TMEM132D: variants seen among roughly 807,000 people sequenced by gnomAD.
The protein encoded by TMEM132D is transmembrane protein 132D.
Under a neutral mutation model 62.3 loss-of-function variants are expected in TMEM132D, and 21 were observed. The observed-to-expected ratio is 0.34, with a 90% confidence interval of 0.24 to 0.49. The LOEUF (loss-of-function observed/expected upper bound fraction) is 0.49, where lower values mean the gene tolerates loss of function less well. Ranked by LOEUF, TMEM132D falls within the 20% of genes least tolerant of loss-of-function variation. TMEM132D has a pLI of 0.99. For synonymous variants in TMEM132D, 621 were observed against 575.6 expected, an observed-to-expected ratio of 1.08 and a Z score of -1.13; for missense variants, 1,346 against 1,402.8, an observed-to-expected ratio of 0.96 and a Z score of 0.65.
At chr12:129,220,937 C>A (rs1879330282) in intron 4 of TMEM132D, among the ~76,000 whole-genome samples, 1 of 151,228 alleles carries the variant, frequency 6.6e-6, no homozygotes, top group African/African-American at 2.4e-5. Context: ...GGCATAGCCA[C>A]TGACCAATCA....
chr12:129,874,269 T>C (rs2137379606), intron 1 of TMEM132D, among the ~76,000 whole-genome samples: 1 of 152,166 alleles, frequency 6.6e-6, no homozygotes, highest in African/African-American at 2.4e-5. Flanking sequence ...ACACCATAAA[T>C]ACATACAATT....
chr12:129,129,611 T>C (rs1876312890), intron 5 of TMEM132D, among the ~76,000 whole-genome samples: 1 of 152,160 alleles, frequency 6.6e-6, no homozygotes, highest in Non-Finnish European at 1.5e-5. Context: ...CTACCAACAG[T>C]GTATAAGAGT....
At chr12:129,433,175 T>A (rs1390110290) in intron 3 of TMEM132D, among the ~76,000 whole-genome samples, 1 of 152,340 alleles carries the variant, frequency 6.6e-6, no homozygotes, top group East Asian at 1.9e-4. Context: ...GACTTTACGT[T>A]GTTTCCAGGT....
chr12:129,721,828 G>T (rs141677248), intron 1 of TMEM132D, among the ~76,000 whole-genome samples: 1 of 152,190 alleles, frequency 6.6e-6, no homozygotes, highest in East Asian at 1.9e-4. Context: ...CATCCGGCCA[G>T]CCAGCTTCCA....
chr12:129,329,289 G>A (rs767954792), intron 4 of TMEM132D, among the ~76,000 whole-genome samples: 5 of 152,222 alleles, frequency 3.3e-5, no homozygotes, highest in Middle Eastern at 6.8e-3. Context: ...GTGCTTTAGA[G>A]AAGAGATTTT....
At chr12:129,374,147 G>A (rs1282784163) in intron 3 of TMEM132D, among the ~76,000 whole-genome samples, 1 of 152,122 alleles carries the variant, frequency 6.6e-6, no homozygotes, top group African/African-American at 2.4e-5. Context: ...ATAAACAACG[G>A]ACATTTATTT....
chr12:129,311,757 T>C (rs1000879092), intron 4 of TMEM132D, among the ~76,000 whole-genome samples: 5 of 152,122 alleles, frequency 3.3e-5, no homozygotes, highest in Admixed American at 1.3e-4. Context: ...GGCATGCTGG[T>C]AGAAAACCCT....
chr12:129,824,722 T>C (rs540137189), intron 1 of TMEM132D, among the ~76,000 whole-genome samples: 6 of 152,300 alleles, frequency 3.9e-5, no homozygotes, highest in Admixed American at 3.3e-4. Flanking sequence ...CTTCAGACCA[T>C]GAGAAATAAA....
rs1367746998 is a variant in TMEM132D, at chr12:129,563,676, G to T, written c.969-32471C>A. Among the ~76,000 whole-genome samples, 4 of 152,166 alleles carry T rather than the reference G, an allele frequency of 2.6e-5. No individual in the cohort carries two copies. In the East Asian group the frequency reaches 7.7e-4, roughly 29 times the overall value. ...TTAGGATAGATTCAGGACCCTGAGG[G>T]AAGGACAGCCTGGCTGGAAGAAGAT... is the stretch of plus-strand genomic sequence containing the variant. On this transcript the variant is annotated intron_variant, in intron 2 of 8. Transcript: ENST00000422113.
chr12:129,172,701 C>T (rs1877771116), intron 5 of TMEM132D, among the ~76,000 whole-genome samples: 1 of 152,184 alleles, frequency 6.6e-6, no homozygotes, highest in Non-Finnish European at 1.5e-5. Flanking sequence ...GCCTCAGCCT[C>T]CTGAGTAGCT....
chr12:129,403,478 G>T (rs1374217835), intron 3 of TMEM132D, among the ~76,000 whole-genome samples: 1 of 151,702 alleles, frequency 6.6e-6, no homozygotes, highest in Non-Finnish European at 1.5e-5. Context: ...ATTTAAAACA[G>T]ATTTTAACCT....
chr12:129,653,601 C>T (rs532720791), intron 2 of TMEM132D, among the ~76,000 whole-genome samples: 39 of 152,320 alleles, frequency 2.6e-4, no homozygotes, highest in South Asian at 1.0e-3. Flanking sequence ...ATCTCCACGA[C>T]GCCACCAATG....
At chr12:129,675,155 A>T (rs1057511479) in intron 2 of TMEM132D, among the ~76,000 whole-genome samples, 1 of 152,210 alleles carries the variant, frequency 6.6e-6, no homozygotes, top group African/African-American at 2.4e-5. Context: ...GAAAAGGGAT[A>T]CAAAGCTTAT....
chr12:129,712,020 C>T (rs960122556), intron 1 of TMEM132D, among the ~76,000 whole-genome samples: 5 of 151,924 alleles, frequency 3.3e-5, no homozygotes, highest in Non-Finnish European at 5.9e-5. Flanking sequence ...AGTACATCCT[C>T]AGGTTATTTC....
At chr12:129,664,452 T>C (rs1157500022) in intron 2 of TMEM132D, among the ~76,000 whole-genome samples, 13 of 118,410 alleles carry the variant, frequency 1.1e-4, no homozygotes, top group African/African-American at 4.1e-4. Context: ...TGAGACAGAG[T>C]CTTGCTTTGT....
intron 5 of TMEM132D, among the ~76,000 whole-genome samples, chr12:129,100,567 A>G (rs1373899315): frequency 6.6e-6 from 1 of 152,200 alleles, no homozygotes; most frequent in Admixed American, 6.5e-5. Flanking sequence ...CCGAGGACAA[A>G]GTTACTGTAA....
chr12:129,567,863 G>A (rs1428572192), intron 2 of TMEM132D, among the ~76,000 whole-genome samples: 1 of 152,122 alleles, frequency 6.6e-6, no homozygotes, highest in South Asian at 2.1e-4. Context: ...GTTCTGAACA[G>A]AATAAAAGGA....
chr12:129,179,584 A>G (rs986794923), intron 5 of TMEM132D, among the ~76,000 whole-genome samples: 6 of 152,222 alleles, frequency 3.9e-5, no homozygotes, highest in East Asian at 1.9e-4. Context: ...TTGCTTCCCT[A>G]TGGAAAATGA....
chr12:129,283,787 C>T (rs146251762), intron 4 of TMEM132D, among the ~76,000 whole-genome samples: 7 of 152,310 alleles, frequency 4.6e-5, no homozygotes, highest in Admixed American at 1.3e-4. Flanking sequence ...CTTCTGTTCT[C>T]TCCCTCACTG....
Sources: gnomAD v4.1 joint callset for allele counts (sites outside exome capture counted in the v4.1 genomes callset) on GRCh38, gnomAD v4.1.1 for gene constraint, MANE v1.5 for transcripts, NCBI Gene and HGNC (gene_info 2026-07-23, HGNC 2026-07-21) for gene names.